Variants in SOWAHC observed in about 807,000 individuals in gnomAD.
The protein encoded by SOWAHC is ankyrin repeat domain-containing protein SOWAHC.
In SOWAHC, 12 loss-of-function variants were observed where a neutral mutation model predicts 14.4. That is an observed-to-expected ratio of 0.83 (90% CI 0.53 to 1.35). The LOEUF (loss-of-function observed/expected upper bound fraction) is 1.35. Among genes scored for constraint, SOWAHC ranks in the 40% most tolerant of loss-of-function variants. The probability of loss-of-function intolerance (pLI) is 0.00; values close to 1 mark genes in which losing one functional copy is unlikely to be tolerated. For missense variants in SOWAHC, 771 were observed against 752.8 expected (o/e 1.02, Z -0.28); for synonymous variants, 398 against 347.0 (o/e 1.15, Z -1.63).
At position 109,616,042 on chromosome 2, in the gene SOWAHC, G is replaced by C. The variant is rs1225514116; in HGVS notation, c.1553G>C (p.Arg518Thr). 2 of 1,513,698 alleles carry C rather than the reference G, an allele frequency of 1.3e-6. No individual in the cohort carries two copies. 93.8% of individuals were successfully genotyped at this position (1,513,698 alleles called of 1,614,324 possible). A position where few individuals can be genotyped will look rare whatever the true frequency, so the allele number is the denominator to read the frequency against. The change falls in exon 1 of 1, where the codon AGA (arginine) becomes ACA (threonine). Residue 518 changes from arginine (R) to threonine (T), a missense_variant. By Grantham distance (71) the Arg-to-Thr change is moderately conservative. Transcript: ENST00000356454. ...PVKGHSPFTL[R>T]PKSNVFG Reference sequence around the variant, plus strand: ...AAAGGCCACTCGCCCTTCACATTGAGACCAAAGTCCAATGTATTTGGGTAA... The same window carrying C: ...AAAGGCCACTCGCCCTTCACATTGACACCAAAGTCCAATGTATTTGGGTAA...
rs968563684 is a variant in SOWAHC, at chr2:109,618,698, T to C, written c.*2631T>C. 3 of 167,004 alleles carry C rather than the reference T, an allele frequency of 1.8e-5. No individual in the cohort carries two copies. The highest frequency in any genetic ancestry group is 4.4e-5 in the Non-Finnish European group (3 of 68,104). The allele number at this position is 167,004 out of a possible 1,614,324, so 10.3% of individuals were successfully genotyped here. ...TGCCTACCTTTAATGGAAAAATACA[T>C]GTCAGATACTTAGATGTTTATTGAT... On this transcript the variant is annotated 3_prime_UTR_variant, in exon 1 of 1. Coordinates refer to ENST00000356454, the MANE Select transcript of SOWAHC (RefSeq NM_023016.4).
At position 109,617,556 on chromosome 2, in the gene SOWAHC, G is replaced by C. The variant is rs938403100; in HGVS notation, c.*1489G>C. 6.0e-6 allele frequency: 1 copy of C among 166,964 alleles called. No individual in the cohort carries two copies. The highest frequency in any genetic ancestry group is 1.5e-5 in the Non-Finnish European group (1 of 68,126). 10.3% of individuals were successfully genotyped at this position (166,964 alleles called of 1,614,324 possible). A position where few individuals can be genotyped will look rare whatever the true frequency, so the allele number is the denominator to read the frequency against. On this transcript the variant is annotated 3_prime_UTR_variant, in exon 1 of 1. Transcript: ENST00000356454. Reference sequence around the variant, plus strand: ...AAGTCCTCCTTTAGTCTTTTGGGTCGCGTAGTTGCTGAAACCTAAGTACCT... The same window carrying C: ...AAGTCCTCCTTTAGTCTTTTGGGTCCCGTAGTTGCTGAAACCTAAGTACCT...
In SOWAHC at chr2:109,615,476, G is replaced by A. The variant is rs111288759; in HGVS notation, c.987G>A (p.Gln329=). The A allele has an allele frequency of 8.1e-6, 13 of 1,613,512 alleles. No homozygotes were observed. In the African/African-American group the frequency reaches 1.5e-4, roughly 18 times the overall value. The part of the protein sequence containing the change: ...AMLVNFANKH[Q]LPVNIDARTS... ...TAGTCAACTTCGCCAACAAACACCA[G>A]CTGCCGGTGAACATCGACGCCAGGA... The change falls in exon 1 of 1, where the codon CAG becomes CAA. Residue 329 remains glutamine (Q), a synonymous_variant. Coordinates refer to ENST00000356454, the MANE Select transcript of SOWAHC (RefSeq NM_023016.4).
chr2:109,615,780 G>T lies in SOWAHC; in HGVS notation c.1291G>T (p.Ala431Ser), dbSNP rs760467029. 6.2e-7 allele frequency: 1 copy of T among 1,614,064 alleles called. No individual in the cohort carries two copies. Among genetic ancestry groups the T allele is most frequent in the Non-Finnish European group, 8.5e-7 (1 of 1,180,028 alleles). ...TCTCATCACCTACAAACTCTCACACGCCCTAGAAGATGGAGGGGACCATCA... is the reference window on the plus strand; with the variant it reads ...TCTCATCACCTACAAACTCTCACACTCCCTAGAAGATGGAGGGGACCATCA... ...SHLITYKLSH[A>S]LEDGGDHHHH... Residue 431 changes from alanine (A) to serine (S), a missense_variant, in exon 1 of 1, where the codon GCC becomes TCC. By Grantham distance (99) the Ala-to-Ser change is moderately conservative (BLOSUM62 1). Coordinates refer to ENST00000356454, the MANE Select transcript of SOWAHC (RefSeq NM_023016.4).
Position 109,614,535 on chromosome 2 carries a change from G to A in SOWAHC, c.46G>A (p.Glu16Lys). The change falls in exon 1 of 1, where the codon GAG becomes AAG. Residue 16 changes from glutamate (E) to lysine (K), a missense_variant. By Grantham distance (56) the Glu-to-Lys change is moderately conservative. Transcript: ENST00000356454. ...EWGPEAALGP[E>K]AVLRFLAERG... ...GGGCCCCGAGGCGGCGCTGGGCCCC[G>A]AGGCGGTGCTGCGCTTCCTGGCGGA... The A allele has an allele frequency of 6.2e-6, 8 of 1,287,844 alleles. No individual in the cohort carries two copies. Among genetic ancestry groups the A allele is most frequent in the African/African-American group, 1.6e-5 (1 of 64,296 alleles). The allele number at this position is 1,287,844 out of a possible 1,614,324, so 79.8% of individuals were successfully genotyped here. A position where few individuals can be genotyped will look rare whatever the true frequency, so the allele number is the denominator to read the frequency against.
At position 109,615,483 on chromosome 2, in the gene SOWAHC, G is replaced by C. The variant is rs1700099742; in HGVS notation, c.994G>C (p.Val332Leu). The change falls in exon 1 of 1, where the codon GTG becomes CTG. Residue 332 changes from valine to leucine, a missense_variant. By Grantham distance (32) the Val-to-Leu change is conservative. Coordinates refer to ENST00000356454, the MANE Select transcript of SOWAHC (RefSeq NM_023016.4). Reference sequence around the variant, plus strand: ...CTTCGCCAACAAACACCAGCTGCCGGTGAACATCGACGCCAGGACGAGCGG... The same window carrying C: ...CTTCGCCAACAAACACCAGCTGCCGCTGAACATCGACGCCAGGACGAGCGG... ...VNFANKHQLP[V>L]NIDARTSGGY... The C allele has an allele frequency of 1.2e-6, 2 of 1,613,502 alleles. No homozygotes were observed. The highest frequency in any genetic ancestry group is 1.1e-5 in the South Asian group (1 of 91,094).
rs1700004061 is a variant in SOWAHC, at chr2:109,614,586, G to C, written c.97G>C (p.Glu33Gln). The C allele has an allele frequency of 2.1e-6, 3 of 1,414,788 alleles. No homozygotes were observed. The highest frequency in any genetic ancestry group is 2.9e-5 in the South Asian group (2 of 68,556). The allele number at this position is 1,414,788 out of a possible 1,614,324, so 87.6% of individuals were successfully genotyped here. A position where few individuals can be genotyped will look rare whatever the true frequency, so the allele number is the denominator to read the frequency against. ...GCGCGGGGGCCGGGCCCTGCACGCC[G>C]AGCTGGTGCAGCACTTCAGGGGCGC... ...AERGGRALHA[E>Q]LVQHFRGALG... The change falls in exon 1 of 1, where the codon GAG becomes CAG. Residue 33 changes from glutamate (E) to glutamine (Q), a missense_variant. Transcript: ENST00000356454.
rs1700174218 is a variant in SOWAHC at position 109,618,244 on chromosome 2, G to A, written c.*2177G>A. 6.0e-6 allele frequency: 1 copy of A among 166,558 alleles called. No homozygotes were observed. The allele number at this position is 166,558 out of a possible 1,614,324, so 10.3% of individuals were successfully genotyped here. A position where few individuals can be genotyped will look rare whatever the true frequency, so the allele number is the denominator to read the frequency against. The stretch of plus-strand genomic sequence containing the variant: ...ATACATATTACTTGTATCTAGTGCA[G>A]AATAAGCTATAACATCCCATTGAGG... On this transcript the variant is annotated 3_prime_UTR_variant, in exon 1 of 1. Coordinates refer to ENST00000356454, the MANE Select transcript of SOWAHC (RefSeq NM_023016.4).
rs755513800 is a variant in SOWAHC at position 109,614,649 on chromosome 2, G to A, written c.160G>A (p.Ala54Thr). Residue 54 changes from alanine (A) to threonine (T), a missense_variant, in exon 1 of 1, where the codon GCG (alanine) becomes ACG (threonine). Coordinates refer to ENST00000356454, the MANE Select transcript of SOWAHC (RefSeq NM_023016.4). Reference sequence around the variant, plus strand: ...ACCGGAGCAGCGCGCCCGCGCCCGCGCGCACTTCAAGGAGCTGGTGAACGC... The same window carrying A: ...ACCGGAGCAGCGCGCCCGCGCCCGCACGCACTTCAAGGAGCTGGTGAACGC... ...GEPEQRARAR[A>T]HFKELVNAVA... The A allele has an allele frequency of 1.4e-6, 2 of 1,472,246 alleles. No homozygotes were observed. Among genetic ancestry groups the A allele is most frequent in the Non-Finnish European group, 1.8e-6 (2 of 1,116,052 alleles). The allele number at this position is 1,472,246 out of a possible 1,614,324, so 91.2% of individuals were successfully genotyped here.
In SOWAHC at chr2:109,615,095, C is replaced by G; in HGVS notation, c.606C>G (p.Arg202=). ...LVGATAQRPA[R]QNLRDLVMGS... is the part of the protein sequence containing the mutation. ...GGGCTACCGCACAGAGGCCGGCCCG[C>G]CAGAACCTCCGTGACCTGGTGATGG... is the stretch of plus-strand genomic sequence containing the variant. The change falls in exon 1 of 1, where the codon CGC becomes CGG. Residue 202 remains arginine (R), a synonymous_variant. Transcript: ENST00000356454. The G allele has an allele frequency of 6.5e-7, 1 of 1,549,730 alleles. No homozygotes were observed. The highest frequency in any genetic ancestry group is 8.7e-7 in the Non-Finnish European group (1 of 1,146,788).
In SOWAHC at chr2:109,614,949, A is replaced by G; in HGVS notation, c.460A>G (p.Arg154Gly). The G allele has an allele frequency of 6.6e-7, 1 of 1,522,666 alleles. No homozygotes were observed. The highest frequency in any genetic ancestry group is 2.5e-5 in the East Asian group (1 of 39,730). 94.3% of individuals were successfully genotyped at this position (1,522,666 alleles called of 1,614,324 possible). A position where few individuals can be genotyped will look rare whatever the true frequency, so the allele number is the denominator to read the frequency against. Residue 154 changes from arginine (R) to glycine (G), a missense_variant, in exon 1 of 1, where the codon AGG becomes GGG. Arg to Gly is a moderately radical substitution (Grantham distance 125). Coordinates refer to ENST00000356454, the MANE Select transcript of SOWAHC (RefSeq NM_023016.4). ...HWPPLSAGAR[R>G]KNSRRDVQPL... ...GCCGCCCCTGAGCGCCGGGGCTCGC[A>G]GGAAGAACTCGCGGCGCGACGTGCA...
At position 109,614,403 on chromosome 2, in the gene SOWAHC, CGCCGCCGTCGG is replaced by C; in HGVS notation, c.-85_-75del. The stretch of plus-strand genomic sequence containing the variant: ...GCAGCCCGCTGAGCCCGCCAGACTC[CGCCGCCGTCGG>C]GAGCCGGCCGCTGGGAGCCCGTCGC... On this transcript the variant is annotated 5_prime_UTR_variant, in exon 1 of 1. Transcript: ENST00000356454. 1 of 1,028,654 alleles carries C rather than the reference CGCCGCCGTCGG, an allele frequency of 9.7e-7. No homozygotes were observed. Among genetic ancestry groups the C allele is most frequent in the East Asian group, 3.7e-5 (1 of 27,152 alleles). 63.7% of individuals were successfully genotyped at this position (1,028,654 alleles called of 1,614,324 possible).
rs1700000923 is a variant in SOWAHC, at chr2:109,614,561, G to T, written c.72G>T (p.Glu24Asp). Residue 24 changes from glutamate (E) to aspartate (D), a missense_variant, in exon 1 of 1, where the codon GAG (glutamate) becomes GAT (aspartate). Glu to Asp is a conservative substitution (Grantham distance 45). Coordinates refer to ENST00000356454, the MANE Select transcript of SOWAHC (RefSeq NM_023016.4). ...AGGCGGTGCTGCGCTTCCTGGCGGAGCGCGGGGGCCGGGCCCTGCACGCCG... is the reference window on the plus strand; with the variant it reads ...AGGCGGTGCTGCGCTTCCTGGCGGATCGCGGGGGCCGGGCCCTGCACGCCG... The part of the protein sequence containing the change: ...GPEAVLRFLA[E>D]RGGRALHAEL... The T allele has an allele frequency of 1.1e-5, 14 of 1,332,944 alleles. No individual in the cohort carries two copies. The highest frequency in any genetic ancestry group is 1.3e-5 in the Non-Finnish European group (14 of 1,048,370). The allele number at this position is 1,332,944 out of a possible 1,614,324, so 82.6% of individuals were successfully genotyped here. A position where few individuals can be genotyped will look rare whatever the true frequency, so the allele number is the denominator to read the frequency against.
At position 109,616,175 on chromosome 2, in the gene SOWAHC, C is replaced by G; in HGVS notation, c.*108C>G. The G allele has an allele frequency of 1.4e-6, 2 of 1,391,652 alleles. No individual in the cohort carries two copies. The highest frequency in any genetic ancestry group is 3.9e-5 in the South Asian group (2 of 51,736). 86.2% of individuals were successfully genotyped at this position (1,391,652 alleles called of 1,614,324 possible). On this transcript the variant is annotated 3_prime_UTR_variant, in exon 1 of 1. Transcript: ENST00000356454. ...GGACAAGCTAAATTATGCATTCTTA[C>G]TTGAGGGATCGGAATGGATGGGGCG... is the stretch of plus-strand genomic sequence containing the variant.
In SOWAHC at chr2:109,617,157, G is replaced by C. The variant is rs1426345545; in HGVS notation, c.*1090G>C. 2 of 166,492 alleles carry C rather than the reference G, an allele frequency of 1.2e-5. No homozygotes were observed. Among genetic ancestry groups the C allele is most frequent in the Non-Finnish European group, 2.9e-5 (2 of 68,096 alleles). The allele number at this position is 166,492 out of a possible 1,614,324, so 10.3% of individuals were successfully genotyped here. On this transcript the variant is annotated 3_prime_UTR_variant, in exon 1 of 1. Transcript: ENST00000356454. Reference sequence around the variant, plus strand: ...AATACATTGGTAGTCTCTATGACTTGTAGCAATGTTTTACAAATGTTTAAA... The same window carrying C: ...AATACATTGGTAGTCTCTATGACTTCTAGCAATGTTTTACAAATGTTTAAA...
rs897337938 is a variant in SOWAHC at position 109,615,573 on chromosome 2, G to A, written c.1084G>A (p.Gly362Arg). 6.2e-7 allele frequency: 1 copy of A among 1,614,068 alleles called. No individual in the cohort carries two copies. The change falls in exon 1 of 1, where the codon GGG (glycine) becomes AGG (arginine). Residue 362 changes from glycine to arginine, a missense_variant. Coordinates refer to ENST00000356454, the MANE Select transcript of SOWAHC (RefSeq NM_023016.4). ...GHVEVVKLLV[G>R]AYDADVDIRD... ...CGTGGAGGTGGTGAAGCTGCTGGTG[G>A]GGGCCTACGACGCCGATGTGGACAT...
At position 109,615,012 on chromosome 2, in the gene SOWAHC, G is replaced by C; in HGVS notation, c.523G>C (p.Asp175His). Residue 175 changes from aspartate (D) to histidine (H), a missense_variant, in exon 1 of 1, where the codon GAC (aspartate) becomes CAC (histidine). Asp to His is a moderately conservative substitution (Grantham distance 81). Transcript: ENST00000356454. Reference protein sequence around the residue: ...PRTPAPGPSEDLELPPHGCEE... With the variant: ...PRTPAPGPSEHLELPPHGCEE... The stretch of plus-strand genomic sequence containing the variant: ...GACTCCAGCCCCGGGGCCCAGCGAG[G>C]ACCTGGAGCTCCCGCCACATGGCTG... 6.5e-7 allele frequency: 1 copy of C among 1,545,602 alleles called. No individual in the cohort carries two copies.
In SOWAHC at chr2:109,614,622, G is replaced by A. The variant is rs751208518; in HGVS notation, c.133G>A (p.Glu45Lys). Residue 45 changes from glutamate (E) to lysine (K), a missense_variant, in exon 1 of 1, where the codon GAA becomes AAA. Physicochemically the swap from Glu to Lys is moderately conservative, Grantham distance 56. Transcript: ENST00000356454. Reference protein sequence around the residue: ...VQHFRGALGGEPEQRARARAH... With the variant: ...VQHFRGALGGKPEQRARARAH... The stretch of plus-strand genomic sequence containing the variant: ...GCACTTCAGGGGCGCCCTAGGCGGC[G>A]AACCGGAGCAGCGCGCCCGCGCCCG... The A allele has an allele frequency of 1.4e-6, 2 of 1,461,638 alleles. No individual in the cohort carries two copies. Among genetic ancestry groups the A allele is most frequent in the Admixed American group, 2.4e-5 (1 of 40,876 alleles). 90.5% of individuals were successfully genotyped at this position (1,461,638 alleles called of 1,614,324 possible).
rs527844748 is a variant in SOWAHC at position 109,614,900 on chromosome 2, A to C, written c.411A>C (p.Gly137=). The C allele has an allele frequency of 6.9e-7, 1 of 1,441,578 alleles. No homozygotes were observed. The highest frequency in any genetic ancestry group is 9.0e-7 in the Non-Finnish European group (1 of 1,108,084). The allele number at this position is 1,441,578 out of a possible 1,614,324, so 89.3% of individuals were successfully genotyped here. ...LPGQGRELGE[G]EPPAPAHWPP... is the part of the protein sequence containing the mutation. ...GACAGGGCCGCGAGCTGGGCGAGGG[A>C]GAGCCCCCCGCCCCCGCGCACTGGC... Residue 137 remains glycine, a synonymous_variant, in exon 1 of 1, where the codon GGA becomes GGC. Transcript: ENST00000356454.
Sources: gnomAD v4.1 joint callset for allele counts on GRCh38, gnomAD v4.1.1 for gene constraint, MANE v1.5 for transcripts, NCBI Gene and HGNC (gene_info 2026-07-23, HGNC 2026-07-21) for gene names.